The following ST8SIA1 variants were observed in gnomAD, a reference collection of about 807,000 sequenced individuals.
The protein encoded by ST8SIA1 is alpha-N-acetylneuraminide alpha-2,8-sialyltransferase.
In ST8SIA1, 16 loss-of-function variants were observed where a neutral mutation model predicts 35.9. The observed-to-expected ratio is 0.45, with a 90% CI of 0.30 to 0.68. ST8SIA1 has a LOEUF of 0.68. Among genes scored for constraint, ST8SIA1 ranks in the 30% least tolerant of loss-of-function variants. The pLI, the probability that ST8SIA1 is intolerant of heterozygous loss-of-function variation, is 0.09. For synonymous variants in ST8SIA1, 170 were observed against 169.6 expected (o/e 1.00, Z -0.02); for missense variants, 383 against 453.6 (o/e 0.84, Z 1.41).
At chr12:22,304,334 C>CTTTTTTTTTTT (rs3063802) in intron 1 of ST8SIA1, among the ~76,000 whole-genome samples, 7 of 106,242 alleles carry the variant, frequency 6.6e-5, no homozygotes, top group African/African-American at 1.5e-4. Flanking sequence ...TTTTCTTTTT[C>CTTTTTTTTTTT]TTTTTTTTTT....
chr12:22,320,957 GAGAAAGAAAGAA>G (rs1220446331), intron 1 of ST8SIA1, among the ~76,000 whole-genome samples: 54 of 83,260 alleles, frequency 6.5e-4, no homozygotes, highest in African/African-American at 1.1e-3. Context: ...AAGAAAGAAA[GAGAAAGAAAGAA>G]AGAAAGAAAG....
intron 2 of ST8SIA1, among the ~76,000 whole-genome samples, chr12:22,268,285 C>T (rs7958065): frequency 0.25 from 38,015 of 152,124 alleles, 4,953 homozygotes; most frequent in African/African-American, 0.34. Flanking sequence ...GATCCACAGA[C>T]GAGCTTTTTA....
chr12:22,315,123 A>G (rs1866501015), intron 1 of ST8SIA1, among the ~76,000 whole-genome samples: 2 of 152,122 alleles, frequency 1.3e-5, no homozygotes, highest in African/African-American at 4.8e-5. Context: ...TTACCTGGAG[A>G]TCAGAGACTA....
chr12:22,285,600 G>T (rs1047746760), intron 2 of ST8SIA1, among the ~76,000 whole-genome samples: 2 of 152,026 alleles, frequency 1.3e-5, no homozygotes, highest in Admixed American at 1.3e-4. Flanking sequence ...AGTCGGGCGC[G>T]GTGGCTCACG....
intron 1 of ST8SIA1, among the ~76,000 whole-genome samples, chr12:22,310,743 T>C (rs1477847258): frequency 5.9e-5 from 9 of 152,150 alleles, no homozygotes; most frequent in African/African-American, 1.7e-4. Flanking sequence ...ACTCACTAGA[T>C]AGCATGTCTT....
At position 22,196,026 on chromosome 12, in the gene ST8SIA1, A is replaced by G. The variant is rs141873035; in HGVS notation, c.*5526T>C. ...TAAAATTCTCAGACAGCTTGGCATC[A>G]TTGATTATATCCCACAGCTTCAACA... On this transcript the variant is annotated 3_prime_UTR_variant, in exon 5 of 5. Transcript: ENST00000396037. The G allele has an allele frequency of 7.1e-4, 108 of 152,342 alleles. No homozygotes were observed. Among genetic ancestry groups the G allele is most frequent in the African/African-American group, 2.5e-3 (103 of 41,586 alleles). 9.4% of individuals were successfully genotyped at this position (152,342 alleles called of 1,614,324 possible). A position where few individuals can be genotyped will look rare whatever the true frequency, so the allele number is the denominator to read the frequency against.
Position 22,255,356 on chromosome 12 carries a change from C to A in ST8SIA1, c.415G>T (p.Ala139Ser). 6.2e-7 allele frequency: 1 copy of A among 1,614,148 alleles called. No individual in the cohort carries two copies. Among genetic ancestry groups the A allele is most frequent in the Non-Finnish European group, 8.5e-7 (1 of 1,180,010 alleles). The change falls in exon 3 of 5, where the codon GCG (alanine) becomes TCG (serine). Residue 139 changes from alanine to serine, a missense_variant. Ala to Ser is a moderately conservative substitution (Grantham distance 99). Transcript: ENST00000396037. Reference sequence around the variant, plus strand: ...AGAATCCCACCATTTCCCACCACCGCGCATTTCTTCAATGGCAGCTGGAAT... The same window carrying A: ...AGAATCCCACCATTTCCCACCACCGAGCATTTCTTCAATGGCAGCTGGAAT... ...TPFQLPLKKCAVVGNGGILKK... is the reference protein window; with the variant it reads ...TPFQLPLKKCSVVGNGGILKK...
intron 4 of ST8SIA1, among the ~76,000 whole-genome samples, chr12:22,220,770 C>T (rs765072187): frequency 2.0e-5 from 3 of 152,142 alleles, no homozygotes; most frequent in Non-Finnish European, 4.4e-5. Context: ...CTTATGCTGT[C>T]TCCAATGTGG....
At chr12:22,203,880 C>T (rs943891939) in intron 4 of ST8SIA1, among the ~76,000 whole-genome samples, 6 of 152,076 alleles carry the variant, frequency 3.9e-5, no homozygotes, top group African/African-American at 1.4e-4. Flanking sequence ...TTAGAATAAC[C>T]CAGAGAGTTC....
chr12:22,305,067 T>C (rs1166383591), intron 1 of ST8SIA1, among the ~76,000 whole-genome samples: 2 of 152,206 alleles, frequency 1.3e-5, no homozygotes, highest in African/African-American at 4.8e-5. Context: ...TTTGCAAGTC[T>C]AAGATAGGAA....
At chr12:22,321,937 CT>C (rs1866607680) in intron 1 of ST8SIA1, among the ~76,000 whole-genome samples, 1 of 152,232 alleles carries the variant, frequency 6.6e-6, no homozygotes, top group African/African-American at 2.4e-5. Context: ...GCCTCTGTCT[CT>C]TTGATTCTAC....
intron 1 of ST8SIA1, among the ~76,000 whole-genome samples, chr12:22,319,356 A>G (rs1866555932): frequency 6.6e-6 from 1 of 152,240 alleles, no homozygotes; most frequent in South Asian, 2.1e-4. Flanking sequence ...ATAAATGTTC[A>G]TTAAATCTGA....
intron 4 of ST8SIA1, among the ~76,000 whole-genome samples, chr12:22,227,645 T>C (rs1419538501): frequency 6.6e-6 from 1 of 152,200 alleles, no homozygotes; most frequent in Non-Finnish European, 1.5e-5. Flanking sequence ...TTTTCTATTA[T>C]TTCTCTTAAA....
intron 4 of ST8SIA1, among the ~76,000 whole-genome samples, chr12:22,211,092 T>G (rs537212597): frequency 6.6e-6 from 1 of 152,206 alleles, no homozygotes; most frequent in Non-Finnish European, 1.5e-5. Flanking sequence ...TCAATTAAAC[T>G]CTGTTAAATT....
chr12:22,248,819 C>T (rs1865632963), intron 4 of ST8SIA1, 187 bp downstream of exon 4: 2 of 520,670 alleles, frequency 3.8e-6, no homozygotes, highest in Admixed American at 3.6e-5. Flanking sequence ...CCAGAGGAAG[C>T]ATAAAATATT....
chr12:22,223,163 G>A (rs1180867268), intron 4 of ST8SIA1: 2 of 152,136 alleles, frequency 1.3e-5, no homozygotes, highest in African/African-American at 4.8e-5. Context: ...TTAAGAAAAA[G>A]AACAACTCCT....
At chr12:22,266,502 A>AAAT (rs1555158392) in intron 2 of ST8SIA1, among the ~76,000 whole-genome samples, 6,796 of 150,232 alleles carry the variant, frequency 0.045, 226 homozygotes, top group South Asian at 0.11. Flanking sequence ...TTAAAAAAAA[A>AAAT]ATATATATAT....
At chr12:22,216,151 C>T (rs542768845) in intron 4 of ST8SIA1, among the ~76,000 whole-genome samples, 1 of 152,262 alleles carries the variant, frequency 6.6e-6, no homozygotes, top group African/African-American at 2.4e-5. Flanking sequence ...TTTCAGGTTA[C>T]CTTCAAGCCT....
At chr12:22,214,881 G>T (rs564748792) in intron 4 of ST8SIA1, among the ~76,000 whole-genome samples, 3 of 152,168 alleles carry the variant, frequency 2.0e-5, no homozygotes, top group Non-Finnish European at 4.4e-5. Context: ...ATTAAGGATC[G>T]GGGCAGTTAA....
Sources: gnomAD v4.1 joint callset for allele counts (sites outside exome capture counted in the v4.1 genomes callset) on GRCh38, gnomAD v4.1.1 for gene constraint, MANE v1.5 for transcripts, NCBI Gene and HGNC (gene_info 2026-07-23, HGNC 2026-07-21) for gene names.